The following GNG7 variants were observed in gnomAD, a reference collection of about 807,000 sequenced individuals.
GNG7 encodes the protein guanine nucleotide-binding protein G(I)/G(S)/G(O) subunit gamma-7.
In GNG7, 1 loss-of-function variant was observed where a neutral mutation model predicts 4.0. That is an observed-to-expected ratio of 0.25 (90% CI 0.09 to 1.18). GNG7 has a LOEUF of 1.18. Among genes scored for constraint, GNG7 ranks in the 50% most tolerant of loss-of-function variants. The probability of loss-of-function intolerance (pLI) is 0.50; values close to 1 mark genes in which losing one functional copy is unlikely to be tolerated. For missense variants in GNG7, 86 were observed against 91.9 expected (o/e 0.94, Z 0.26); for synonymous variants, 34 against 36.9 (o/e 0.92, Z 0.29).
intron 2 of GNG7, among the ~76,000 whole-genome samples, chr19:2,593,129 A>G (rs1980901560): frequency 6.6e-6 from 1 of 152,198 alleles, no homozygotes; most frequent in Non-Finnish European, 1.5e-5. Context: ...GTCACAAAAA[A>G]GTAAGAAAAT....
At chr19:2,554,555 A>AT (rs1434328470) in intron 3 of GNG7, among the ~76,000 whole-genome samples, 44 of 56,970 alleles carry the variant, frequency 7.7e-4, no homozygotes, top group Admixed American at 2.2e-3. Context: ...ATATATATAT[A>AT]TATATTTTTT....
rs550099368 is a variant in GNG7, at chr19:2,617,961, C to T, written c.-78+28263G>A. 5.6e-4 allele frequency among the ~76,000 whole-genome samples: 85 copies of T among 152,094 alleles called. No homozygotes were observed. Among genetic ancestry groups the T allele is most frequent in the Non-Finnish European group, 9.4e-4 (64 of 67,984 alleles). On this transcript the variant is annotated intron_variant, in intron 2 of 4. Transcript: ENST00000382159. The surrounding 1 kb of genome is among the most constrained non-coding windows in gnomAD (Gnocchi z 4.7). ...TCTCAAACTCCTGGCCTCAAGTGAT[C>T]CTCCCACCTCGGCCTCCCAAAGCGC... is the stretch of plus-strand genomic sequence containing the variant.
intron 1 of GNG7, among the ~76,000 whole-genome samples, chr19:2,668,484 C>T (rs1983367951): frequency 6.6e-6 from 1 of 152,120 alleles, no homozygotes; most frequent in African/African-American, 2.4e-5. Flanking sequence ...TTCCCTGGCT[C>T]GGTGACGGCC....
In GNG7 at chr19:2,568,403, C is replaced by T. The variant is rs56101245; in HGVS notation, c.-77-13215G>A. 9.8e-3 allele frequency among the ~76,000 whole-genome samples: 832 copies of T among 84,800 alleles called. 7 individuals carry two copies. Among genetic ancestry groups the T allele is most frequent in the African/African-American group, 0.031 (780 of 24,968 alleles). The allele number at this position is 84,800 out of a possible 152,430, so 55.6% of individuals were successfully genotyped here. A position where few individuals can be genotyped will look rare whatever the true frequency, so the allele number is the denominator to read the frequency against. On this transcript the variant is annotated intron_variant, in intron 2 of 4. Transcript: ENST00000382159. ...CACACATATACAACACAAACACACACACATATACACATAGACATACACACA... is the reference window on the plus strand; with the variant it reads ...CACACATATACAACACAAACACACATACATATACACATAGACATACACACA...
At chr19:2,556,266 A>G (rs1449558884) in intron 2 of GNG7, among the ~76,000 whole-genome samples, 1 of 152,174 alleles carries the variant, frequency 6.6e-6, no homozygotes, top group East Asian at 1.9e-4. Flanking sequence ...GCTCTAGGGG[A>G]GGCCCCGTCC....
chr19:2,565,282 C>T (rs984575260), intron 2 of GNG7, among the ~76,000 whole-genome samples: 10 of 152,160 alleles, frequency 6.6e-5, no homozygotes, highest in South Asian at 4.1e-4. Context: ...GAGGCCGAGG[C>T]GGGTGGATCA....
chr19:2,567,625 C>G (rs191690349), intron 2 of GNG7, among the ~76,000 whole-genome samples: 1 of 152,122 alleles, frequency 6.6e-6, no homozygotes, highest in Admixed American at 6.6e-5. Context: ...TGCACTGGGC[C>G]GGTGTCCTCT....
intron 2 of GNG7, among the ~76,000 whole-genome samples, chr19:2,596,995 A>C (rs1981041622): frequency 6.6e-6 from 1 of 152,184 alleles, no homozygotes; most frequent in Middle Eastern, 3.4e-3. Flanking sequence ...TCGGTGGCTC[A>C]CACCTGCAAT....
chr19:2,595,750 G>A (rs1599411996), intron 2 of GNG7, among the ~76,000 whole-genome samples: 3 of 147,462 alleles, frequency 2.0e-5, no homozygotes, highest in South Asian at 2.2e-4. Context: ...AAAAAAAAAA[G>A]AAATTAAATT....
intron 1 of GNG7, among the ~76,000 whole-genome samples, chr19:2,659,328 C>T (rs1043541909): frequency 2.7e-5 from 4 of 150,330 alleles, no homozygotes; most frequent in Non-Finnish European, 5.9e-5. Context: ...TCTGTCATCC[C>T]AGCACTTTGA....
chr19:2,673,550 G>A (rs990404077), intron 1 of GNG7, among the ~76,000 whole-genome samples: 17 of 151,802 alleles, frequency 1.1e-4, no homozygotes, highest in East Asian at 9.7e-4. Context: ...AAAATTAGCC[G>A]TGCAGGGTGG....
intron 1 of GNG7, among the ~76,000 whole-genome samples, chr19:2,680,886 C>G (rs1042325748): frequency 6.6e-6 from 1 of 151,986 alleles, no homozygotes; most frequent in East Asian, 1.9e-4. Flanking sequence ...CTCACTGCAA[C>G]CTTCGTCTCC....
chr19:2,686,352 T>A (rs2144905271), intron 1 of GNG7, among the ~76,000 whole-genome samples: 1 of 152,216 alleles, frequency 6.6e-6, no homozygotes, highest in Middle Eastern at 3.4e-3. Flanking sequence ...GAGACGGGGT[T>A]TCACCACATT....
rs531988861 is a variant in GNG7 at position 2,618,639 on chromosome 19, G to A, written c.-78+27585C>T. On this transcript the variant is annotated intron_variant, in intron 2 of 4. Coordinates refer to ENST00000382159, the MANE Select transcript of GNG7 (RefSeq NM_052847.3). This position sits in a 1 kb window ranked among gnomAD's most constrained non-coding sequence, Gnocchi z 5.1. ...GCTGGGATTACAGACGTGAGCCACC[G>A]TGCCCAGCCTGTTCTATTTTTTTTT... Among the ~76,000 whole-genome samples the A allele has an allele frequency of 1.3e-5, 2 of 151,746 alleles. No individual in the cohort carries two copies. Among genetic ancestry groups the A allele is most frequent in the Admixed American group, 6.6e-5 (1 of 15,254 alleles).
At chr19:2,586,670 A>C (rs1451897976) in intron 2 of GNG7, among the ~76,000 whole-genome samples, 1 of 152,292 alleles carries the variant, frequency 6.6e-6, no homozygotes, top group East Asian at 1.9e-4. Context: ...CTCACAGTGA[A>C]TATCGTGTGT....
At chr19:2,520,370 A>C (rs952427830) in intron 4 of GNG7, among the ~76,000 whole-genome samples, 27 of 152,302 alleles carry the variant, frequency 1.8e-4, no homozygotes, top group Admixed American at 6.5e-4. Context: ...ACGGGGCCCC[A>C]GTGTGTTTAC....
chr19:2,616,345 A>C (rs991200442), intron 2 of GNG7, among the ~76,000 whole-genome samples: 10 of 151,956 alleles, frequency 6.6e-5, no homozygotes, highest in African/African-American at 2.4e-4. Context: ...CCCGTGTTCC[A>C]GCGATTCTCC....
intron 2 of GNG7, among the ~76,000 whole-genome samples, chr19:2,603,520 G>T (rs1225042806): frequency 1.3e-5 from 2 of 152,218 alleles, no homozygotes; most frequent in Non-Finnish European, 2.9e-5. Context: ...GTAGCCCGAG[G>T]AATCCAGCCA....
intron 3 of GNG7, among the ~76,000 whole-genome samples, chr19:2,525,545 C>A (rs1208908081): frequency 6.6e-6 from 1 of 152,020 alleles, no homozygotes; most frequent in Non-Finnish European, 1.5e-5. Context: ...GGGTGACCAG[C>A]CCCGAAACAG....
Sources: allele counts gnomAD v4.1 joint callset (sites outside exome capture counted in the v4.1 genomes callset), GRCh38; gene constraint gnomAD v4.1.1; non-coding constraint Gnocchi (gnomAD v3.1); transcripts MANE v1.5; gene names NCBI Gene and HGNC (gene_info 2026-07-23, HGNC 2026-07-21).